Variants in SLC9A9 observed in about 807,000 individuals in gnomAD.
The protein encoded by SLC9A9 is solute carrier family 9 member A9, also known as sodium/hydrogen exchanger 9.
Under a neutral mutation model 77.8 loss-of-function variants are expected in SLC9A9, and 62 were observed. The observed-to-expected ratio is 0.80, with a 90% CI of 0.65 to 0.98. SLC9A9 has a LOEUF of 0.98. Among genes scored for constraint, SLC9A9 ranks in the 50% least tolerant of loss-of-function variants. The pLI is 0.00. For missense variants in SLC9A9, 775 were observed against 774.9 expected (o/e 1.00, Z 0.00); for synonymous variants, 320 against 283.5 (o/e 1.13, Z -1.29).
chr3:143,836,616 G>T (rs1255392002), intron 1 of SLC9A9, among the ~76,000 whole-genome samples: 3 of 152,060 alleles, frequency 2.0e-5, no homozygotes, highest in African/African-American at 4.8e-5. Flanking sequence ...AGAAGAGAGG[G>T]GACAGAAGGA....
At chr3:143,737,569 A>G (rs1157320161) in intron 4 of SLC9A9, among the ~76,000 whole-genome samples, 1 of 152,218 alleles carries the variant, frequency 6.6e-6, no homozygotes, top group East Asian at 1.9e-4. Flanking sequence ...TTGAGTCTCA[A>G]ATATGTCCAG....
intron 6 of SLC9A9, among the ~76,000 whole-genome samples, chr3:143,586,769 C>A (rs1428483504): frequency 6.6e-6 from 1 of 152,152 alleles, no homozygotes; most frequent in Admixed American, 6.5e-5. Flanking sequence ...TCAAGAGAAC[C>A]TACTGTAAAA....
intron 6 of SLC9A9, among the ~76,000 whole-genome samples, chr3:143,611,921 A>G (rs1204792703): frequency 6.6e-6 from 1 of 152,158 alleles, no homozygotes; most frequent in Admixed American, 6.5e-5. Context: ...AAATATTTAG[A>G]GATAGGGTCT....
chr3:143,763,434 A>T (rs1441278865), intron 4 of SLC9A9, among the ~76,000 whole-genome samples: 8 of 152,200 alleles, frequency 5.3e-5, no homozygotes, highest in Admixed American at 5.2e-4. Flanking sequence ...TTATAAACAA[A>T]TCAGTTCAAA....
intron 6 of SLC9A9, among the ~76,000 whole-genome samples, chr3:143,617,913 C>G (rs2038133207): frequency 6.6e-6 from 1 of 152,196 alleles, no homozygotes; most frequent in Admixed American, 6.5e-5. Context: ...CAAGACTGGT[C>G]TTTTAGAGAA....
chr3:143,784,602 A>T (rs888825355), intron 4 of SLC9A9, among the ~76,000 whole-genome samples: 3 of 150,644 alleles, frequency 2.0e-5, no homozygotes, highest in Admixed American at 6.6e-5. Context: ...CAAGTGCTCC[A>T]CCTGCCTCAG....
At chr3:143,423,117 T>G (rs2034330875) in intron 12 of SLC9A9, among the ~76,000 whole-genome samples, 1 of 152,128 alleles carries the variant, frequency 6.6e-6, no homozygotes, top group Non-Finnish European at 1.5e-5. Context: ...GAATGAACCC[T>G]GTGGTATTGA....
At chr3:143,645,338 T>C (rs1012568584) in intron 6 of SLC9A9, among the ~76,000 whole-genome samples, 1 of 152,208 alleles carries the variant, frequency 6.6e-6, no homozygotes, top group Non-Finnish European at 1.5e-5. Flanking sequence ...ACCCTATACA[T>C]GTAAGCTATT....
At chr3:143,774,380 G>A (rs766461008) in intron 4 of SLC9A9, among the ~76,000 whole-genome samples, 11 of 152,140 alleles carry the variant, frequency 7.2e-5, no homozygotes, top group African/African-American at 2.2e-4. Context: ...ACTTCATACC[G>A]GCACTGAGTA....
At chr3:143,466,960 C>G (rs996780825) in intron 12 of SLC9A9, 77 bp downstream of exon 12, 4 of 1,545,790 alleles carry the variant, frequency 2.6e-6, no homozygotes, top group African/African-American at 1.4e-5. Flanking sequence ...GTACTATTGA[C>G]TAAGTCAGCA....
intron 1 of SLC9A9, among the ~76,000 whole-genome samples, chr3:143,836,730 G>A (rs186614171): frequency 8.6e-4 from 131 of 152,232 alleles, no homozygotes; most frequent in African/African-American, 3.0e-3. Flanking sequence ...GAAAATAAGA[G>A]AAAACTCCAG....
chr3:143,577,365 A>C lies in SLC9A9; in HGVS notation c.894+1220T>G, dbSNP rs977050351. Reference sequence around the variant, plus strand: ...AGTGAATGCTAGTCTTCGCCTCCTGAATCACCGACTGCTCAGCCTTTGCCC... The same window carrying C: ...AGTGAATGCTAGTCTTCGCCTCCTGCATCACCGACTGCTCAGCCTTTGCCC... On this transcript the variant is annotated intron_variant, in intron 7 of 15. Transcript: ENST00000316549. Among the ~76,000 whole-genome samples the C allele has an allele frequency of 2.0e-5, 3 of 152,118 alleles. No homozygotes were observed. The East Asian group carries it at 5.8e-4, about 29-fold the overall frequency.
chr3:143,837,125 C>A (rs1309325286), intron 1 of SLC9A9, among the ~76,000 whole-genome samples: 1 of 152,064 alleles, frequency 6.6e-6, no homozygotes, highest in Non-Finnish European at 1.5e-5. Context: ...TTTTAAAACA[C>A]AAAAGTGTTT....
At chr3:143,803,655 C>A (rs1441915687) in intron 2 of SLC9A9, among the ~76,000 whole-genome samples, 1 of 152,134 alleles carries the variant, frequency 6.6e-6, no homozygotes, top group Non-Finnish European at 1.5e-5. Flanking sequence ...ATTCTCATTC[C>A]CATCCTTATG....
intron 14 of SLC9A9, among the ~76,000 whole-genome samples, chr3:143,298,168 TC>T (rs34790309): frequency 6.6e-6 from 1 of 152,146 alleles, no homozygotes; most frequent in Admixed American, 6.5e-5. Flanking sequence ...TGGAAGGGCT[TC>T]CCCCCACGTT....
intron 12 of SLC9A9, among the ~76,000 whole-genome samples, chr3:143,443,320 T>C (rs150118051): frequency 8.5e-5 from 13 of 152,298 alleles, no homozygotes; most frequent in African/African-American, 3.1e-4. Flanking sequence ...CCTGCTATAC[T>C]GATAAGGTGA....
intron 2 of SLC9A9, among the ~76,000 whole-genome samples, chr3:143,826,141 C>T (rs1041676236): frequency 1.3e-5 from 2 of 152,108 alleles, no homozygotes; most frequent in East Asian, 1.9e-4. Flanking sequence ...TACCTGTAGT[C>T]CCAGCTACTT....
At chr3:143,350,150 C>T (rs2032409159) in intron 14 of SLC9A9, among the ~76,000 whole-genome samples, 1 of 152,166 alleles carries the variant, frequency 6.6e-6, no homozygotes, top group African/African-American at 2.4e-5. Flanking sequence ...CCACAGTCAC[C>T]TGGGGCTCCT....
chr3:143,473,645 T>C (rs2035415774), intron 11 of SLC9A9, among the ~76,000 whole-genome samples: 1 of 152,238 alleles, frequency 6.6e-6, no homozygotes, highest in Non-Finnish European at 1.5e-5. Context: ...TAATGAAACA[T>C]ACTGCCCATG....
Sources: gnomAD v4.1 joint callset for allele counts (sites outside exome capture counted in the v4.1 genomes callset) on GRCh38, gnomAD v4.1.1 for gene constraint, MANE v1.5 for transcripts, NCBI Gene and HGNC (gene_info 2026-07-23, HGNC 2026-07-21) for gene names.